EYS: variants seen among roughly 807,000 people sequenced by gnomAD.
EYS encodes the protein EGF-like photoreceptor maintenance factor, also known as protein eyes shut homolog.
EYS carries 250 observed loss-of-function variants against 282.1 expected under a neutral mutation model. That is an observed-to-expected ratio of 0.89 (90% CI 0.80 to 0.98). EYS has a LOEUF of 0.98. Among genes scored for constraint, EYS ranks in the 50% least tolerant of loss-of-function variants. The pLI is 0.00. For synonymous variants in EYS, 1,355 were observed against 1,282.9 expected (o/e 1.06, Z -1.20); for missense variants, 4,016 against 3,709.0 (o/e 1.08, Z -2.15).
At chr6:65,698,191 C>T (rs1769526825) in intron 1 of EYS, among the ~76,000 whole-genome samples, 2 of 152,090 alleles carry the variant, frequency 1.3e-5, no homozygotes, top group Admixed American at 1.3e-4. Context: ...TTCCTAAGCA[C>T]TGACACAAAT....
intron 12 of EYS, among the ~76,000 whole-genome samples, chr6:65,137,761 G>T (rs894725286): frequency 7.9e-5 from 12 of 151,890 alleles, no homozygotes; most frequent in Non-Finnish European, 1.8e-4. Flanking sequence ...AGAGAGGAAG[G>T]AATACAAGAG....
intron 12 of EYS, among the ~76,000 whole-genome samples, chr6:65,211,005 T>G (rs528243069): frequency 1.3e-5 from 2 of 151,632 alleles, no homozygotes; most frequent in Non-Finnish European, 2.9e-5. Context: ...AATATACTAG[T>G]CAGTGTCTAA....
chr6:64,253,631 T>C (rs192280805), intron 30 of EYS, among the ~76,000 whole-genome samples: 1 of 152,252 alleles, frequency 6.6e-6, no homozygotes, highest in Admixed American at 6.5e-5. Flanking sequence ...AGGTCTGTAC[T>C]GACACCTGGC....
chr6:64,156,800 G>C (rs1422288203), intron 31 of EYS, among the ~76,000 whole-genome samples: 1 of 152,152 alleles, frequency 6.6e-6, no homozygotes, highest in Admixed American at 6.5e-5. Context: ...AGTATCTGGT[G>C]GCAGAAATTT....
At chr6:64,342,356 C>T (rs1316872285) in intron 29 of EYS, among the ~76,000 whole-genome samples, 1 of 151,886 alleles carries the variant, frequency 6.6e-6, no homozygotes, top group South Asian at 2.1e-4. Flanking sequence ...ATCAGACTAA[C>T]AGCTGATCTC....
chr6:65,414,639 A>T (rs1767161139), intron 5 of EYS, among the ~76,000 whole-genome samples: 1 of 152,136 alleles, frequency 6.6e-6, no homozygotes, highest in East Asian at 1.9e-4. Context: ...GATAAGGAAA[A>T]AGAATTTAAG....
At chr6:65,068,244 A>G (rs1773804055) in intron 12 of EYS, among the ~76,000 whole-genome samples, 1 of 152,046 alleles carries the variant, frequency 6.6e-6, no homozygotes, top group South Asian at 2.1e-4. Flanking sequence ...CTACTTTCCA[A>G]CGGAGTCGAA....
chr6:64,635,485 G>C (rs62417972), intron 22 of EYS, among the ~76,000 whole-genome samples: 30,592 of 152,034 alleles, frequency 0.2, 3,558 homozygotes, highest in East Asian at 0.34. Context: ...TTATTATTTT[G>C]AGATATGTCC....
intron 35 of EYS, among the ~76,000 whole-genome samples, chr6:63,892,122 A>G (rs1773423702): frequency 6.6e-6 from 1 of 152,240 alleles, no homozygotes; most frequent in South Asian, 2.1e-4. Flanking sequence ...CATGCACGGG[A>G]ATAATCAATA....
intron 33 of EYS, among the ~76,000 whole-genome samples, chr6:64,023,394 C>G (rs1003842686): frequency 6.6e-6 from 1 of 152,162 alleles, no homozygotes; most frequent in East Asian, 1.9e-4. Flanking sequence ...ATAGTAAATA[C>G]GTGTTTAACT....
intron 22 of EYS, among the ~76,000 whole-genome samples, chr6:64,757,325 C>T (rs115585355): frequency 6.6e-6 from 1 of 152,276 alleles, no homozygotes; most frequent in African/African-American, 2.4e-5. Flanking sequence ...TCCCACACGT[C>T]TTGTTCAGAC....
At chr6:64,585,532 C>T (rs1044758209) in intron 26 of EYS, among the ~76,000 whole-genome samples, 1 of 152,072 alleles carries the variant, frequency 6.6e-6, no homozygotes, top group Non-Finnish European at 1.5e-5. Context: ...TTATTCCTAA[C>T]ACAATTTATT....
rs191698431 is a variant in EYS, at chr6:65,499,836, T to A, written c.-332-3843A>T. Among the ~76,000 whole-genome samples the A allele has an allele frequency of 2.4e-3, 370 of 151,992 alleles. 4 individuals are homozygous for A. The highest frequency in any genetic ancestry group is 8.6e-3 in the African/African-American group (358 of 41,496). ...AGACAGCAGATTTATTCATATTTTT[T>A]AAGGGAGTAGTGACTGACTTTATCG... On this transcript the variant is annotated intron_variant, in intron 2 of 42. Transcript: ENST00000503581.
chr6:64,188,011 A>C (rs543791075), intron 31 of EYS, among the ~76,000 whole-genome samples: 4 of 152,278 alleles, frequency 2.6e-5, no homozygotes, highest in African/African-American at 9.6e-5. Flanking sequence ...TAATGAGTTG[A>C]GATGGTAATA....
chr6:63,857,119 T>A (rs954697792), intron 36 of EYS, among the ~76,000 whole-genome samples: 1 of 152,192 alleles, frequency 6.6e-6, no homozygotes, highest in Non-Finnish European at 1.5e-5. Context: ...TTAAACTTCT[T>A]TCATCATTTT....
chr6:64,081,896 C>A lies in EYS; in HGVS notation c.6531G>T (p.Leu2177Phe). The stretch of plus-strand genomic sequence containing the variant: ...CATTTAAACTGTTTGTTTTTATAGT[C>A]AAGTAGATGGTAACAGTTCTGTTAT... Reference protein sequence around the residue: ...KEHNRTVTIYLTIKTNSLNGT... With the variant: ...KEHNRTVTIYFTIKTNSLNGT... Residue 2177 changes from leucine to phenylalanine, a missense_variant, in exon 32 of 43, where the codon TTG becomes TTT. Transcript: ENST00000503581. The A allele has an allele frequency of 6.5e-7, 1 of 1,542,638 alleles. No individual in the cohort carries two copies. Among genetic ancestry groups the A allele is most frequent in the South Asian group, 1.2e-5 (1 of 83,304 alleles).
At chr6:64,201,662 T>C (rs1313314596) in intron 31 of EYS, among the ~76,000 whole-genome samples, 3 of 152,150 alleles carry the variant, frequency 2.0e-5, no homozygotes, top group Non-Finnish European at 4.4e-5. Flanking sequence ...ATCTAAAAGA[T>C]ATGCTTCATG....
At chr6:64,549,535 G>A (rs1251571807) in intron 26 of EYS, among the ~76,000 whole-genome samples, 1 of 152,080 alleles carries the variant, frequency 6.6e-6, no homozygotes, top group Non-Finnish European at 1.5e-5. Context: ...TTCTGCAACA[G>A]TTATACACAT....
At chr6:64,636,661 G>T (rs34751241) in intron 22 of EYS, among the ~76,000 whole-genome samples, 2 of 151,136 alleles carry the variant, frequency 1.3e-5, no homozygotes, top group African/African-American at 4.9e-5. Flanking sequence ...GCAACCTACA[G>T]AATGGGAGAA....
Sources: gnomAD v4.1 joint callset for allele counts (sites outside exome capture counted in the v4.1 genomes callset) on GRCh38, gnomAD v4.1.1 for gene constraint, MANE v1.5 for transcripts, NCBI Gene and HGNC (gene_info 2026-07-23, HGNC 2026-07-21) for gene names.